The following HECW2 variants were observed in gnomAD, a reference collection of about 807,000 sequenced individuals.
HECW2 encodes E3 ubiquitin-protein ligase HECW2.
In HECW2, 61 loss-of-function variants were observed where a neutral mutation model predicts 175.2. The observed-to-expected ratio is 0.35, with a 90% CI of 0.28 to 0.43. HECW2 has a LOEUF of 0.43. Ranked by LOEUF, HECW2 falls within the 20% of genes least tolerant of loss-of-function variation. The pLI is 1.00. For missense variants in HECW2, 1,524 were observed against 2,000.5 expected (o/e 0.76, Z 4.54); for synonymous variants, 671 against 731.0 (o/e 0.92, Z 1.32).
At chr2:196,349,997 G>C (rs1693112542) in intron 2 of HECW2, among the ~76,000 whole-genome samples, 1 of 152,106 alleles carries the variant, frequency 6.6e-6, no homozygotes, top group African/African-American at 2.4e-5. Context: ...ATCTCTTTTA[G>C]CTACCTGATC....
chr2:196,473,967 G>A (rs1456232943), intron 1 of HECW2, among the ~76,000 whole-genome samples: 2 of 152,164 alleles, frequency 1.3e-5, no homozygotes, highest in Non-Finnish European at 2.9e-5. Flanking sequence ...ACAATGCAGC[G>A]AGAATTTTTC....
chr2:196,229,140 C>T (rs1687956856), intron 21 of HECW2, among the ~76,000 whole-genome samples: 1 of 152,064 alleles, frequency 6.6e-6, no homozygotes, highest in Non-Finnish European at 1.5e-5. Flanking sequence ...AAAGTATACA[C>T]GTGGGCTCAA....
At chr2:196,260,635 T>C (rs1689252587) in intron 17 of HECW2, 1 of 152,216 alleles carries the variant, frequency 6.6e-6, no homozygotes, top group Non-Finnish European at 1.5e-5. Context: ...CAGTTCTTTA[T>C]AAAGTCCTTT....
intron 1 of HECW2, among the ~76,000 whole-genome samples, chr2:196,490,740 T>C (rs1284331565): frequency 6.6e-6 from 1 of 152,136 alleles, no homozygotes; most frequent in Non-Finnish European, 1.5e-5. Flanking sequence ...AAACAAAATA[T>C]GGTTTGTCCA....
At chr2:196,491,359 C>CAT (rs200469302) in intron 1 of HECW2, among the ~76,000 whole-genome samples, 3,793 of 89,426 alleles carry the variant, frequency 0.042, 191 homozygotes, top group African/African-American at 0.14. Flanking sequence ...AATACAAAAT[C>CAT]ATATATATAT....
At chr2:196,485,361 A>G (rs1399958731) in intron 1 of HECW2, among the ~76,000 whole-genome samples, 1 of 152,236 alleles carries the variant, frequency 6.6e-6, no homozygotes, top group Non-Finnish European at 1.5e-5. Context: ...CTGCTATAAC[A>G]AAATACCTAA....
chr2:196,242,480 C>A (rs190626711), intron 19 of HECW2: 5 of 415,048 alleles, frequency 1.2e-5, no homozygotes, highest in South Asian at 1.1e-4. Flanking sequence ...CCTTTTCAGT[C>A]GAAACTAATA....
At chr2:196,590,536 A>T (rs1410523567) in intron 1 of HECW2, among the ~76,000 whole-genome samples, 1 of 152,248 alleles carries the variant, frequency 6.6e-6, no homozygotes, top group Non-Finnish European at 1.5e-5. Context: ...AGCAAGCCCC[A>T]GGCGAGAAGC....
intron 2 of HECW2, among the ~76,000 whole-genome samples, chr2:196,413,227 T>G (rs1346795805): frequency 6.6e-6 from 1 of 152,138 alleles, no homozygotes; most frequent in Non-Finnish European, 1.5e-5. Context: ...GGTGGTGTAC[T>G]GCCTGCAGTC....
chr2:196,338,836 A>G (rs1692645496), intron 3 of HECW2, among the ~76,000 whole-genome samples: 1 of 152,202 alleles, frequency 6.6e-6, no homozygotes, highest in African/African-American at 2.4e-5. Flanking sequence ...CCATTGTCCT[A>G]TGTGTTTTCA....
chr2:196,350,883 A>G (rs1186749493), intron 2 of HECW2, among the ~76,000 whole-genome samples: 1 of 152,204 alleles, frequency 6.6e-6, no homozygotes, highest in Non-Finnish European at 1.5e-5. Flanking sequence ...CTGAGCTGTT[A>G]GGTTTAAAGT....
chr2:196,412,947 T>C (rs1445761262), intron 2 of HECW2, among the ~76,000 whole-genome samples: 3 of 152,230 alleles, frequency 2.0e-5, no homozygotes. Context: ...GTCACCATCA[T>C]CTGTCATGGG....
Position 196,220,867 on chromosome 2 carries a change from C to A in HECW2, c.4221G>T (p.Glu1407Asp). Residue 1407 changes from glutamate (E) to aspartate (D), a missense_variant, in exon 25 of 29, where the codon GAG becomes GAT. Physicochemically the swap from Glu to Asp is conservative, Grantham distance 45 (BLOSUM62 2). Transcript: ENST00000644978. ...TCTCAATCCTCCACTTCACCATCCT[C>A]TCGATGTACTCCTTCTTGTTCTTCT... ...VTEKNKKEYIERMVKWRIERG... is the reference protein window; with the variant it reads ...VTEKNKKEYIDRMVKWRIERG... 1 of 1,614,188 alleles carries A rather than the reference C, an allele frequency of 6.2e-7. No individual in the cohort carries two copies. The highest frequency in any genetic ancestry group is 1.1e-5 in the South Asian group (1 of 91,088).
chr2:196,241,448 G>A (rs1688450880), intron 20 of HECW2, among the ~76,000 whole-genome samples: 1 of 152,166 alleles, frequency 6.6e-6, no homozygotes, highest in Non-Finnish European at 1.5e-5. Context: ...TCACAGGGGT[G>A]CTCCAGTGGA....
chr2:196,241,392 G>A (rs2105881806), intron 20 of HECW2, among the ~76,000 whole-genome samples: 1 of 152,308 alleles, frequency 6.6e-6, no homozygotes, highest in Middle Eastern at 3.4e-3. Flanking sequence ...TGAGCCATGG[G>A]GCTGCTGTTG....
chr2:196,542,756 T>C (rs1250431034), intron 1 of HECW2, among the ~76,000 whole-genome samples: 1 of 150,920 alleles, frequency 6.6e-6, no homozygotes, highest in Non-Finnish European at 1.5e-5. Context: ...AAGATATATA[T>C]GTGCATATAT....
intron 22 of HECW2, among the ~76,000 whole-genome samples, chr2:196,226,162 G>A (rs1687842918): frequency 6.6e-6 from 1 of 152,014 alleles, no homozygotes; most frequent in Non-Finnish European, 1.5e-5. Flanking sequence ...ATGGCTTGGT[G>A]CTATCTTCAT....
intron 28 of HECW2, among the ~76,000 whole-genome samples, chr2:196,210,257 T>C (rs984353804): frequency 6.8e-6 from 1 of 147,994 alleles, no homozygotes; most frequent in Non-Finnish European, 1.5e-5. Flanking sequence ...CGGAATGTTG[T>C]TTTAAAATGT....
At position 196,197,817 on chromosome 2, in the gene HECW2, G is replaced by A. The variant is rs954078785; in HGVS notation, c.*3460C>T. The A allele has an allele frequency of 1.3e-5, 2 of 152,206 alleles. No homozygotes were observed. Among genetic ancestry groups the A allele is most frequent in the African/African-American group, 4.8e-5 (2 of 41,452 alleles). The allele number at this position is 152,206 out of a possible 1,614,324, so 9.4% of individuals were successfully genotyped here. A position where few individuals can be genotyped will look rare whatever the true frequency, so the allele number is the denominator to read the frequency against. ...GATGCTTGTACCCTACAAAGTGCGT[G>A]AGGAGCTAAACGGACGATGTACCTG... On this transcript the variant is annotated 3_prime_UTR_variant, in exon 29 of 29. Transcript: ENST00000644978.
Sources: allele counts gnomAD v4.1 joint callset (sites outside exome capture counted in the v4.1 genomes callset), GRCh38; gene constraint gnomAD v4.1.1; transcripts MANE v1.5; gene names NCBI Gene and HGNC (gene_info 2026-07-23, HGNC 2026-07-21).